The following MMRN1 variants were observed in gnomAD, a reference collection of about 807,000 sequenced individuals.
MMRN1 encodes multimerin-1.
A neutral mutation model predicts 100.7 loss-of-function variants in MMRN1; 94 were observed. The observed-to-expected ratio is 0.93, with a 90% CI of 0.79 to 1.11. MMRN1 has a LOEUF of 1.11. MMRN1 is among the 50% of genes least tolerant of loss of function. The pLI is 0.00. For synonymous variants in MMRN1, 575 were observed against 505.0 expected (o/e 1.14, Z -1.86); for missense variants, 1,606 against 1,439.1 (o/e 1.12, Z -1.88).
chr4:89,908,726 A>G (rs1721647569), intron 1 of MMRN1, among the ~76,000 whole-genome samples: 1 of 151,480 alleles, frequency 6.6e-6, no homozygotes, highest in African/African-American at 2.4e-5. Flanking sequence ...GTATTGTATT[A>G]ACTCATAAAC....
intron 4 of MMRN1, among the ~76,000 whole-genome samples, chr4:89,927,453 A>T (rs1248112752): frequency 6.6e-6 from 1 of 152,034 alleles, no homozygotes; most frequent in African/African-American, 2.4e-5. Flanking sequence ...TGAGTTTCAT[A>T]TGTTGGTTTT....
chr4:89,895,221 C>T lies in MMRN1; in HGVS notation c.250C>T (p.Pro84Ser), dbSNP rs749366906. The change falls in exon 1 of 8, where the codon CCT becomes TCT. Residue 84 changes from proline (P) to serine (S), a missense_variant. By Grantham distance (74) the Pro-to-Ser change is moderately conservative. Transcript: ENST00000264790. ...SEDSLLKSTL[P>S]PSETSAPAEG... Reference sequence around the variant, plus strand: ...AGACAGTCTTCTTAAATCAACACTGCCTCCCTCAGAAACAAGTGCACCTGC... The same window carrying T: ...AGACAGTCTTCTTAAATCAACACTGTCTCCCTCAGAAACAAGTGCACCTGC... The T allele has an allele frequency of 1.9e-5, 30 of 1,613,784 alleles. No homozygotes were observed. Among genetic ancestry groups the T allele is most frequent in the Non-Finnish European group, 2.5e-5 (30 of 1,179,912 alleles).
In MMRN1 at chr4:89,936,282, A is replaced by G. The variant is rs769643172; in HGVS notation, c.2602A>G (p.Lys868Glu). The G allele has an allele frequency of 6.2e-7, 1 of 1,610,716 alleles. No individual in the cohort carries two copies. The highest frequency in any genetic ancestry group is 1.7e-5 in the Admixed American group (1 of 59,420). ...FETRLQDIES[K>E]VTQTLIPYYI... is the part of the protein sequence containing the mutation. ...GACTCGGTTGCAAGACATTGAGTCT[A>G]AAGTTACCCAGACGCTCATACCTTA... Residue 868 changes from lysine (K) to glutamate (E), a missense_variant, in exon 6 of 8, where the codon AAA becomes GAA. Transcript: ENST00000264790.
At chr4:89,927,185 T>A (rs1240396786) in intron 4 of MMRN1, among the ~76,000 whole-genome samples, 1 of 151,954 alleles carries the variant, frequency 6.6e-6, no homozygotes, top group Non-Finnish European at 1.5e-5. Context: ...ATGTCATTAG[T>A]GTTTTGATAG....
chr4:89,933,754 C>A (rs768041756), intron 5 of MMRN1, among the ~76,000 whole-genome samples: 6 of 152,134 alleles, frequency 3.9e-5, no homozygotes, highest in Non-Finnish European at 7.4e-5. Flanking sequence ...GGGTCTCTCT[C>A]ACAACATGTG....
At chr4:89,938,233 C>T (rs978700558) in intron 6 of MMRN1, among the ~76,000 whole-genome samples, 1 of 151,230 alleles carries the variant, frequency 6.6e-6, no homozygotes, top group African/African-American at 2.4e-5. Flanking sequence ...GTAATCTGAC[C>T]TAATAGAACT....
At chr4:89,951,300 T>C (rs1218178646) in intron 6 of MMRN1, 1 of 230,350 alleles carries the variant, frequency 4.3e-6, no homozygotes, top group African/African-American at 2.3e-5. Context: ...CAGTTTCAAA[T>C]ATACATGATT....
intron 1 of MMRN1, among the ~76,000 whole-genome samples, chr4:89,884,850 C>T (rs970544639): frequency 6.6e-5 from 10 of 152,166 alleles, no homozygotes; most frequent in African/African-American, 2.2e-4. Flanking sequence ...CCTTTCCAGT[C>T]ATCCTGCTAA....
In MMRN1 at chr4:89,895,591, G is replaced by C; in HGVS notation, c.620G>C (p.Gly207Ala). The C allele has an allele frequency of 6.2e-7, 1 of 1,611,848 alleles. No homozygotes were observed. The stretch of plus-strand genomic sequence containing the variant: ...AAATCAAATTTCGAAACAACTAGAG[G>C]AAAGTAAGAAATCTTCTTTTCTTTT... ...YQKSNFETTRGKNWCAYVHTR... is the reference protein window; with the variant it reads ...YQKSNFETTRAKNWCAYVHTR... Residue 207 changes from glycine to alanine, a missense_variant, in exon 1 of 8, where the codon GGA becomes GCA. Physicochemically the swap from Gly to Ala is moderately conservative, Grantham distance 60. Transcript: ENST00000264790.
chr4:89,935,783 A>G lies in MMRN1; in HGVS notation c.2103A>G (p.Leu701=). 6.2e-7 allele frequency: 1 copy of G among 1,613,030 alleles called. No individual in the cohort carries two copies. The highest frequency in any genetic ancestry group is 8.5e-7 in the Non-Finnish European group (1 of 1,179,578). The change falls in exon 6 of 8, where the codon TTA becomes TTG. Residue 701 remains leucine, a synonymous_variant. Transcript: ENST00000264790. ...AAGAACTTACAAAAAGACACAACTT[A>G]CTTAGAAATGAAGTACAGGGTCGTG... is the stretch of plus-strand genomic sequence containing the variant. The part of the protein sequence containing the change: ...IIKELTKRHN[L]LRNEVQGRDD...
At chr4:89,917,103 G>A (rs1578481034) in intron 3 of MMRN1, among the ~76,000 whole-genome samples, 1 of 150,832 alleles carries the variant, frequency 6.6e-6, no homozygotes. Context: ...GTGTGTGTTT[G>A]TGTGTGTGTG....
At chr4:89,928,081 C>A in intron 5 of MMRN1, 113 bp downstream of exon 5, 3 of 775,246 alleles carry the variant, frequency 3.9e-6, no homozygotes, top group Non-Finnish European at 5.8e-6. Context: ...GGTATGGAAA[C>A]CTAAGAAAGA....
At chr4:89,917,737 C>T (rs1235992542) in intron 3 of MMRN1, among the ~76,000 whole-genome samples, 1 of 151,736 alleles carries the variant, frequency 6.6e-6, no homozygotes, top group Non-Finnish European at 1.5e-5. Flanking sequence ...AATGATTTAC[C>T]CATCAGATTT....
intron 1 of MMRN1, among the ~76,000 whole-genome samples, chr4:89,883,491 T>A (rs917399549): frequency 6.6e-6 from 1 of 152,150 alleles, no homozygotes; most frequent in African/African-American, 2.4e-5. Flanking sequence ...CTCCGATCAC[T>A]AAAGATGCTG....
chr4:89,887,772 T>C (rs183698397), intron 1 of MMRN1, among the ~76,000 whole-genome samples: 1 of 152,128 alleles, frequency 6.6e-6, no homozygotes, highest in East Asian at 1.9e-4. Context: ...AACTGTGTAA[T>C]TCCATTTACA....
At chr4:89,909,832 T>C (rs1235672367) in intron 2 of MMRN1, among the ~76,000 whole-genome samples, 1 of 151,450 alleles carries the variant, frequency 6.6e-6, no homozygotes, top group Non-Finnish European at 1.5e-5. Flanking sequence ...GGAGAGCTTC[T>C]AGTTACAATT....
chr4:89,916,093 G>A (rs1469836194), intron 3 of MMRN1, among the ~76,000 whole-genome samples: 1 of 151,826 alleles, frequency 6.6e-6, no homozygotes, highest in Non-Finnish European at 1.5e-5. Flanking sequence ...GATCCTATCA[G>A]CTCTTTGCTG....
intron 3 of MMRN1, 56 bp from the exon 4 acceptor site, chr4:89,923,109 GAAA>G: frequency 7.3e-7 from 1 of 1,373,924 alleles, no homozygotes; most frequent in Non-Finnish European, 1.0e-6. Context: ...TTCAGGACTG[GAAA>G]AAATGAGGCT....
At chr4:89,891,821 T>C (rs537036888), upstream of MMRN1, among the ~76,000 whole-genome samples, 8 of 152,172 alleles carry the variant, frequency 5.3e-5, no homozygotes, top group South Asian at 8.3e-4. Flanking sequence ...AAAATAGGAA[T>C]TTCTCATGTG....
Sources: allele counts gnomAD v4.1 joint callset (sites outside exome capture counted in the v4.1 genomes callset), GRCh38; gene constraint gnomAD v4.1.1; transcripts MANE v1.5; gene names NCBI Gene and HGNC (gene_info 2026-07-23, HGNC 2026-07-21).